The following PDE4B variants were observed in gnomAD, a reference collection of about 807,000 sequenced individuals.
PDE4B encodes 3',5'-cyclic-AMP phosphodiesterase 4B.
PDE4B carries 20 observed loss-of-function variants against 82.2 expected under a neutral mutation model. That is an observed-to-expected ratio of 0.24 (90% CI 0.17 to 0.35). The LOEUF (loss-of-function observed/expected upper bound fraction) is 0.35, where lower values mean the gene tolerates loss of function less well. Among genes scored for constraint, PDE4B ranks in the 10% least tolerant of loss-of-function variants. The probability of loss-of-function intolerance (pLI) is 1.00; values close to 1 mark genes in which losing one functional copy is unlikely to be tolerated. For synonymous variants in PDE4B, 320 were observed against 318.9 expected (o/e 1.00, Z -0.04); for missense variants, 655 against 907.2 (o/e 0.72, Z 3.57).
At chr1:66,361,936 CT>C in intron 10 of PDE4B, 143 bp downstream of exon 10, 1 of 618,166 alleles carries the variant, frequency 1.6e-6, no homozygotes, top group Non-Finnish European at 2.6e-6. Context: ...AATGACTTTA[CT>C]GTGAGCAGTA....
chr1:66,055,367 C>G (rs751151030), intron 3 of PDE4B, among the ~76,000 whole-genome samples: 1 of 152,212 alleles, frequency 6.6e-6, no homozygotes, highest in Non-Finnish European at 1.5e-5. Flanking sequence ...GCTAGCCAAA[C>G]TTACCATGTA....
chr1:66,098,438 C>G (rs1339454537), intron 3 of PDE4B, among the ~76,000 whole-genome samples: 1 of 152,118 alleles, frequency 6.6e-6, no homozygotes, highest in Non-Finnish European at 1.5e-5. Context: ...CATGATCCAT[C>G]ATTTCATAGA....
intron 3 of PDE4B, among the ~76,000 whole-genome samples, chr1:66,053,277 T>C (rs1444258350): frequency 2.0e-5 from 3 of 152,232 alleles, no homozygotes; most frequent in Non-Finnish European, 1.5e-5. Flanking sequence ...AAGAAAGTTA[T>C]GTAATAATCT....
intron 8 of PDE4B, among the ~76,000 whole-genome samples, chr1:66,334,829 G>C (rs619959): frequency 0.55 from 83,487 of 152,094 alleles, 23,751 homozygotes; most frequent in East Asian, 0.8. Flanking sequence ...AATGAGGCCA[G>C]GGAGTGGTGG....
Position 66,017,838 on chromosome 1 carries a change from AT to A in PDE4B, c.281+99004del, listed in dbSNP as rs1268595321. On this transcript the variant is annotated intron_variant, in intron 3 of 16. Coordinates refer to ENST00000341517, the MANE Select transcript of PDE4B (RefSeq NM_002600.4). ...CCAGTATTAGTGAGATTTTTAAAAA[AT>A]ATATATATATATATTCAAGGGTGCT... Among the ~76,000 whole-genome samples, 27 of 139,558 alleles carry A rather than the reference AT, an allele frequency of 1.9e-4. No homozygotes were observed. In the South Asian group the frequency reaches 2.7e-3, roughly 14 times the overall value. 91.6% of individuals were successfully genotyped at this position (139,558 alleles called of 152,430 possible).
At chr1:65,984,277 C>T (rs1442270545) in intron 3 of PDE4B, among the ~76,000 whole-genome samples, 3 of 152,142 alleles carry the variant, frequency 2.0e-5, no homozygotes, top group African/African-American at 7.2e-5. Context: ...ATTGAAAAGA[C>T]AAATCAGTGA....
At chr1:66,127,799 ATCAT>A (rs1645854169) in intron 3 of PDE4B, among the ~76,000 whole-genome samples, 1 of 152,184 alleles carries the variant, frequency 6.6e-6, no homozygotes, top group African/African-American at 2.4e-5. Context: ...GATTACTGGC[ATCAT>A]AGTGTTGACT....
intron 7 of PDE4B, among the ~76,000 whole-genome samples, chr1:66,280,103 A>G (rs544493953): frequency 2.0e-5 from 3 of 152,244 alleles, no homozygotes; most frequent in Non-Finnish European, 2.9e-5. Context: ...AAGATGTATA[A>G]AATCCAGGAC....
chr1:65,971,154 A>G (rs919166969), intron 3 of PDE4B, among the ~76,000 whole-genome samples: 4 of 151,708 alleles, frequency 2.6e-5, no homozygotes, highest in African/African-American at 9.7e-5. Flanking sequence ...AGAGACAGTG[A>G]AGCCTGGAGG....
intron 3 of PDE4B, among the ~76,000 whole-genome samples, chr1:66,038,122 C>T (rs1216092144): frequency 1.3e-5 from 2 of 152,004 alleles, no homozygotes; most frequent in African/African-American, 4.8e-5. Context: ...GACATAATTA[C>T]AGCAAAATGT....
intron 1 of PDE4B, among the ~76,000 whole-genome samples, chr1:65,863,662 A>C (rs575957568): frequency 6.6e-6 from 1 of 152,158 alleles, no homozygotes; most frequent in African/African-American, 2.4e-5. Flanking sequence ...GGTCTCTAAG[A>C]ACTTGTTTTA....
intron 1 of PDE4B, among the ~76,000 whole-genome samples, chr1:65,825,164 G>A (rs1283639816): frequency 6.6e-6 from 1 of 152,168 alleles, no homozygotes; most frequent in Non-Finnish European, 1.5e-5. Flanking sequence ...TTCTGAGAAA[G>A]ATAATTTGCT....
At chr1:66,362,714 G>C (rs890119103) in intron 10 of PDE4B, among the ~76,000 whole-genome samples, 3 of 152,114 alleles carry the variant, frequency 2.0e-5, no homozygotes, top group African/African-American at 7.2e-5. Context: ...TGCACATTCT[G>C]ATAGCTGAGT....
chr1:66,305,531 T>C (rs1658210012), intron 7 of PDE4B, among the ~76,000 whole-genome samples: 1 of 152,138 alleles, frequency 6.6e-6, no homozygotes, highest in Admixed American at 6.6e-5. Flanking sequence ...TGTTTGTTTG[T>C]TTTGGGTTAA....
At chr1:66,126,144 T>G in intron 3 of PDE4B, among the ~76,000 whole-genome samples, 1 of 152,118 alleles carries the variant, frequency 6.6e-6, no homozygotes, top group African/African-American at 2.4e-5. Context: ...CAGGGATAAA[T>G]AAGATGAGGT....
At position 65,793,038 on chromosome 1, in the gene PDE4B, G is replaced by T. The variant is rs1278302189; in HGVS notation, c.-281G>T. 2 of 151,844 alleles carry T rather than the reference G, an allele frequency of 1.3e-5. No homozygotes were observed. The highest frequency in any genetic ancestry group is 4.8e-5 in the African/African-American group (2 of 41,392). 9.4% of individuals were successfully genotyped at this position (151,844 alleles called of 1,614,324 possible). ...CCGGGGCTCCTGGCCTCGCCTCAGC[G>T]GCTGCAGGCTCTTCGTCGCGGGCCG... On this transcript the variant is annotated 5_prime_UTR_variant, in exon 1 of 17. Coordinates refer to ENST00000341517, the MANE Select transcript of PDE4B (RefSeq NM_002600.4).
intron 3 of PDE4B, among the ~76,000 whole-genome samples, chr1:66,178,443 C>T (rs1646981122): frequency 1.3e-5 from 2 of 152,088 alleles, no homozygotes; most frequent in Admixed American, 6.5e-5. Flanking sequence ...TAAATAAATA[C>T]AACTTTTATA....
chr1:66,324,479 T>A (rs1659613386), intron 7 of PDE4B, among the ~76,000 whole-genome samples: 1 of 152,184 alleles, frequency 6.6e-6, no homozygotes, highest in South Asian at 2.1e-4. Flanking sequence ...CTTGGGGTTA[T>A]TTTTCAAGGA....
intron 4 of PDE4B, among the ~76,000 whole-genome samples, chr1:66,256,572 A>G (rs377374405): frequency 6.6e-6 from 1 of 152,298 alleles, no homozygotes; most frequent in East Asian, 1.9e-4. Flanking sequence ...GGTGGAAATA[A>G]AAGTATCATA....
Sources: gnomAD v4.1 joint callset for allele counts (sites outside exome capture counted in the v4.1 genomes callset) on GRCh38, gnomAD v4.1.1 for gene constraint, MANE v1.5 for transcripts, NCBI Gene and HGNC (gene_info 2026-07-23, HGNC 2026-07-21) for gene names.